Variants in PLPPR1 observed in about 807,000 individuals in gnomAD.
PLPPR1 encodes phospholipid phosphatase-related protein type 1.
PLPPR1 carries 10 observed loss-of-function variants against 33.1 expected under a neutral mutation model. The ratio of observed to expected loss-of-function variants is 0.30; its 90% CI spans 0.19 to 0.51. The LOEUF is 0.51. Among genes scored for constraint, PLPPR1 ranks in the 20% least tolerant of loss-of-function variants. The probability of loss-of-function intolerance (pLI) is 0.97; values close to 1 mark genes in which losing one functional copy is unlikely to be tolerated. For missense variants in PLPPR1, 304 were observed against 408.1 expected (o/e 0.74, Z 2.20); for synonymous variants, 151 against 151.0 (o/e 1.00, Z 0.00).
intron 1 of PLPPR1, among the ~76,000 whole-genome samples, chr9:101,036,442 C>T (rs1830011511): frequency 6.6e-6 from 1 of 152,006 alleles, no homozygotes; most frequent in Non-Finnish European, 1.5e-5. Context: ...ATCTCTTTGT[C>T]TTAGGGCTAG....
chr9:101,208,879 G>C (rs554246059), intron 2 of PLPPR1, among the ~76,000 whole-genome samples: 126 of 152,214 alleles, frequency 8.3e-4, no homozygotes, highest in Non-Finnish European at 1.3e-3. Context: ...AGAAAAGAAG[G>C]ATCTAACTTG....
intron 1 of PLPPR1, among the ~76,000 whole-genome samples, chr9:101,032,327 A>C (rs1229759503): frequency 6.6e-6 from 1 of 152,128 alleles, no homozygotes. Context: ...GATGACTTGG[A>C]GGTGTTGAGA....
At chr9:101,271,398 G>A (rs1828098400) in intron 3 of PLPPR1, among the ~76,000 whole-genome samples, 1 of 152,166 alleles carries the variant, frequency 6.6e-6, no homozygotes, top group Admixed American at 6.5e-5. Context: ...ACTGCTCTTT[G>A]CCCTCTTTGG....
Position 101,087,581 on chromosome 9 carries a change from T to C in PLPPR1, c.-46+58479T>C, listed in dbSNP as rs143812380. On this transcript the variant is annotated intron_variant, in intron 1 of 7. Transcript: ENST00000374874. ...TTTGTTTCTCTAGGTCTCACTTTAGTGGCCCTCTAAAACCAATGTAGACTG... is the reference window on the plus strand; with the variant it reads ...TTTGTTTCTCTAGGTCTCACTTTAGCGGCCCTCTAAAACCAATGTAGACTG... 2.4e-3 allele frequency among the ~76,000 whole-genome samples: 371 copies of C among 152,368 alleles called. 1 individual carries two copies. Among genetic ancestry groups the C allele is most frequent in the African/African-American group, 8.3e-3 (347 of 41,596 alleles).
intron 4 of PLPPR1, among the ~76,000 whole-genome samples, chr9:101,301,107 A>T (rs934629530): frequency 6.6e-6 from 1 of 152,180 alleles, no homozygotes; most frequent in Non-Finnish European, 1.5e-5. Context: ...CTAGTTGATT[A>T]CTCATCATCT....
chr9:101,247,467 G>T (rs1410335551), intron 2 of PLPPR1, among the ~76,000 whole-genome samples: 1 of 152,030 alleles, frequency 6.6e-6, no homozygotes, highest in African/African-American at 2.4e-5. Flanking sequence ...ATGAGGAAAA[G>T]TGTTTTCAGT....
intron 1 of PLPPR1, among the ~76,000 whole-genome samples, chr9:101,159,255 G>A (rs1364464670): frequency 1.3e-5 from 2 of 152,150 alleles, no homozygotes; most frequent in South Asian, 2.1e-4. Context: ...TATAGTTGGT[G>A]TCTATTACTA....
At chr9:101,232,721 ACC>A (rs997815424) in intron 2 of PLPPR1, among the ~76,000 whole-genome samples, 2 of 151,914 alleles carry the variant, frequency 1.3e-5, no homozygotes, top group African/African-American at 2.4e-5. Flanking sequence ...TTAGAATTAT[ACC>A]AGCATTTCAA....
chr9:101,100,193 G>C (rs7849406), intron 1 of PLPPR1, among the ~76,000 whole-genome samples: 46,801 of 151,762 alleles, frequency 0.31, 8,194 homozygotes, highest in East Asian at 0.7. Context: ...AATTTAGAAC[G>C]CAGCAAAGTA....
intron 4 of PLPPR1, among the ~76,000 whole-genome samples, chr9:101,296,544 CA>C (rs1828644141): frequency 6.6e-6 from 1 of 152,156 alleles, no homozygotes; most frequent in South Asian, 2.1e-4. Context: ...GACTTGGAAC[CA>C]ACACAAATGT....
At chr9:101,156,928 C>T (rs1034513738) in intron 1 of PLPPR1, among the ~76,000 whole-genome samples, 1 of 152,008 alleles carries the variant, frequency 6.6e-6, no homozygotes, top group African/African-American at 2.4e-5. Flanking sequence ...TATAAAGAAG[C>T]TTAAACTTTG....
chr9:101,319,366 C>T (rs763367104), intron 7 of PLPPR1, among the ~76,000 whole-genome samples: 5 of 152,002 alleles, frequency 3.3e-5, no homozygotes, highest in Non-Finnish European at 5.9e-5. Flanking sequence ...TTAGTAGAGA[C>T]GGTTTTTTGC....
At chr9:101,061,689 C>A (rs1476657935) in intron 1 of PLPPR1, among the ~76,000 whole-genome samples, 1 of 150,188 alleles carries the variant, frequency 6.7e-6, no homozygotes, top group Non-Finnish European at 1.5e-5. Context: ...TTGTTAGAGA[C>A]TATTTTCTTC....
intron 2 of PLPPR1, among the ~76,000 whole-genome samples, chr9:101,246,926 C>T (rs538899522): frequency 2.7e-4 from 41 of 152,082 alleles, no homozygotes; most frequent in Non-Finnish European, 2.9e-5. Flanking sequence ...ACCTAGCTAA[C>T]CCAGTTGTAT....
At chr9:101,273,641 T>G (rs368259193) in intron 3 of PLPPR1, among the ~76,000 whole-genome samples, 2 of 152,210 alleles carry the variant, frequency 1.3e-5, no homozygotes, top group African/African-American at 4.8e-5. Flanking sequence ...ATGTTGCAAG[T>G]ATAATCCCAA....
chr9:101,083,210 G>A (rs143715378), intron 1 of PLPPR1, among the ~76,000 whole-genome samples: 99 of 151,880 alleles, frequency 6.5e-4, no homozygotes, highest in African/African-American at 2.3e-3. Flanking sequence ...CCAGGCTGGA[G>A]TGCAGTGGCG....
At chr9:101,219,116 A>C (rs1327489679) in intron 2 of PLPPR1, among the ~76,000 whole-genome samples, 1 of 152,202 alleles carries the variant, frequency 6.6e-6, no homozygotes, top group African/African-American at 2.4e-5. Flanking sequence ...AGGGGAAGAG[A>C]AGTCACACAG....
intron 1 of PLPPR1, among the ~76,000 whole-genome samples, chr9:101,054,581 A>G (rs1830260770): frequency 6.6e-6 from 1 of 152,184 alleles, no homozygotes; most frequent in Admixed American, 6.5e-5. Flanking sequence ...TCTTTTAGAC[A>G]GGATTTGTTC....
chr9:101,117,310 C>A (rs545996869), intron 1 of PLPPR1, among the ~76,000 whole-genome samples: 1 of 152,082 alleles, frequency 6.6e-6, no homozygotes, highest in Non-Finnish European at 1.5e-5. Context: ...CAAAACCCAC[C>A]GAAACCAAGA....
Sources: gnomAD v4.1 joint callset for allele counts (sites outside exome capture counted in the v4.1 genomes callset) on GRCh38, gnomAD v4.1.1 for gene constraint, MANE v1.5 for transcripts, NCBI Gene and HGNC (gene_info 2026-07-23, HGNC 2026-07-21) for gene names.